Variants in FAM193A observed in about 807,000 individuals in gnomAD.
FAM193A encodes protein FAM193A.
Under a neutral mutation model 126.5 loss-of-function variants are expected in FAM193A, and 22 were observed. The ratio of observed to expected loss-of-function variants is 0.17; its 90% CI spans 0.12 to 0.25. The LOEUF is 0.25. FAM193A is among the 10% of genes least tolerant of loss of function. The pLI, the probability that FAM193A is intolerant of heterozygous loss-of-function variation, is 1.00. For synonymous variants in FAM193A, 761 were observed against 646.8 expected, an observed-to-expected ratio of 1.18 and a Z score of -2.68; for missense variants, 1,675 against 1,672.8, an observed-to-expected ratio of 1.00 and a Z score of -0.02.
Position 2,693,730 on chromosome 4 carries a change from C to T in FAM193A, c.2948C>T (p.Pro983Leu), listed in dbSNP as rs369112800. The change falls in exon 16 of 21, where the codon CCT (proline) becomes CTT (leucine). Residue 983 changes from proline to leucine, a missense_variant. By Grantham distance (98) the Pro-to-Leu change is moderately conservative. Around this residue, in one of 4 missense-constraint regions of FAM193A, gnomAD observed 1,186 missense variants for 1,109.2 expected, o/e 1.07. Transcript: ENST00000637812. ...GCTGCGCTCTCACCTGCCTCCACAC[C>T]TCACCTTGCAAATCTTGCAGCCCCA... ...SPAALSPAST[P>L]HLANLAAPSF... 3.1e-6 allele frequency: 5 copies of T among 1,614,118 alleles called. No individual in the cohort carries two copies. The highest frequency in any genetic ancestry group is 4.2e-6 in the Non-Finnish European group (5 of 1,180,060).
intron 1 of FAM193A, among the ~76,000 whole-genome samples, chr4:2,588,295 T>C (rs988688490): frequency 6.6e-6 from 1 of 152,242 alleles, no homozygotes; most frequent in African/African-American, 2.4e-5. Context: ...CTGGTGCCTC[T>C]TTACCTTAAG....
At chr4:2,705,100 C>T (rs1718161004) in intron 19 of FAM193A, among the ~76,000 whole-genome samples, 2 of 152,092 alleles carry the variant, frequency 1.3e-5, no homozygotes, top group African/African-American at 2.4e-5. Flanking sequence ...TTAGTAGAGA[C>T]GGGGTTTCAC....
intron 20 of FAM193A, among the ~76,000 whole-genome samples, chr4:2,718,089 A>T (rs1719738430): frequency 6.6e-6 from 1 of 152,216 alleles, no homozygotes; most frequent in African/African-American, 2.4e-5. Context: ...AGTTTTTAAA[A>T]ATCCTGAAAC....
chr4:2,688,252 T>C (rs978195288), intron 13 of FAM193A, among the ~76,000 whole-genome samples: 1 of 151,938 alleles, frequency 6.6e-6, no homozygotes, highest in African/African-American at 2.4e-5. Context: ...AGGCTACAAG[T>C]AGGTCTCGAA....
intron 1 of FAM193A, among the ~76,000 whole-genome samples, chr4:2,545,250 C>A (rs750526053): frequency 6.6e-6 from 1 of 152,224 alleles, no homozygotes; most frequent in Non-Finnish European, 1.5e-5. Flanking sequence ...GCCTCAGCCT[C>A]CCAAAGTGCT....
intron 6 of FAM193A, among the ~76,000 whole-genome samples, chr4:2,642,949 A>G (rs913679984): frequency 4.6e-5 from 7 of 151,908 alleles, no homozygotes; most frequent in African/African-American, 1.5e-4. Context: ...GAAAACTCCC[A>G]TCTTTTTCTG....
At chr4:2,558,798 C>T (rs1401408599) in intron 1 of FAM193A, among the ~76,000 whole-genome samples, 2 of 152,148 alleles carry the variant, frequency 1.3e-5, no homozygotes, top group East Asian at 1.9e-4. Context: ...GGCAGAGGTT[C>T]GAGACCAGCC....
chr4:2,661,845 G>T (rs1158931210), intron 10 of FAM193A, among the ~76,000 whole-genome samples: 1 of 152,136 alleles, frequency 6.6e-6, no homozygotes, highest in Non-Finnish European at 1.5e-5. Flanking sequence ...CACCAGAGCT[G>T]CATCTTAAGT....
intron 15 of FAM193A, among the ~76,000 whole-genome samples, chr4:2,693,085 G>T (rs1296714504): frequency 1.3e-5 from 2 of 151,612 alleles, no homozygotes; most frequent in African/African-American, 4.8e-5. Context: ...GTCTTGCTCC[G>T]TCACCCAGGC....
Position 2,660,022 on chromosome 4 carries a change from C to T in FAM193A, c.1713C>T (p.Leu571=), listed in dbSNP as rs1040725240. Residue 571 remains leucine, a synonymous_variant, in exon 10 of 21, where the codon CTC becomes CTT. Coordinates refer to ENST00000637812, the MANE Select transcript of FAM193A (RefSeq NM_001366318.2). ...SPITIQQHPR[L]ILTDSGSAPT... ...TCACAATTCAGCAGCACCCCAGGCT[C>T]ATCCTCACAGACAGTGGCTCGGCAC... 1.3e-5 allele frequency: 21 copies of T among 1,614,054 alleles called. No individual in the cohort carries two copies. In the African/African-American group the frequency reaches 1.5e-4, roughly 11 times the overall value.
At chr4:2,540,099 CAA>C (rs1306034228) in intron 1 of FAM193A, among the ~76,000 whole-genome samples, 6 of 144,204 alleles carry the variant, frequency 4.2e-5, no homozygotes, top group African/African-American at 1.5e-4. Context: ...GCCTGGGCAA[CAA>C]GAGTGAAACT....
intron 2 of FAM193A, among the ~76,000 whole-genome samples, chr4:2,613,322 T>G (rs1436029325): frequency 6.6e-6 from 1 of 151,632 alleles, no homozygotes; most frequent in African/African-American, 2.4e-5. Flanking sequence ...CTTGCTATTT[T>G]AAATATACTC....
chr4:2,620,539 T>A (rs1045237484), intron 2 of FAM193A, among the ~76,000 whole-genome samples: 2 of 152,046 alleles, frequency 1.3e-5, no homozygotes, highest in African/African-American at 4.8e-5. Flanking sequence ...AACAAACACA[T>A]TTTTAACATA....
At chr4:2,698,299 A>G (rs1280358001) in intron 18 of FAM193A, among the ~76,000 whole-genome samples, 2 of 152,168 alleles carry the variant, frequency 1.3e-5, no homozygotes, top group Non-Finnish European at 2.9e-5. Context: ...CTGGATTTAG[A>G]TCAGCTCTGA....
intron 1 of FAM193A, among the ~76,000 whole-genome samples, chr4:2,547,588 ATG>A (rs368862235): frequency 2.7e-5 from 4 of 147,142 alleles, no homozygotes; most frequent in Admixed American, 6.8e-5. Flanking sequence ...TGACCTTAGT[ATG>A]TGTGTGTGTG....
intron 19 of FAM193A, among the ~76,000 whole-genome samples, chr4:2,702,376 C>T (rs1017104693): frequency 6.6e-6 from 1 of 152,172 alleles, no homozygotes; most frequent in Non-Finnish European, 1.5e-5. Flanking sequence ...GCTCCGGGCT[C>T]ATCTCGTGTC....
chr4:2,726,339 C>T (rs1239594127), intron 20 of FAM193A, among the ~76,000 whole-genome samples: 1 of 152,172 alleles, frequency 6.6e-6, no homozygotes, highest in Non-Finnish European at 1.5e-5. Context: ...AAGCCTGGCC[C>T]TGATAAACAA....
At position 2,664,558 on chromosome 4, in the gene FAM193A, C is replaced by CTTTTTTTT. The variant is rs33958851; in HGVS notation, c.2079+1289_2079+1296dup. Among the ~76,000 whole-genome samples the CTTTTTTTT allele has an allele frequency of 1.3e-3, 96 of 73,096 alleles. 1 individual carries two copies. Among genetic ancestry groups the CTTTTTTTT allele is most frequent in the Non-Finnish European group, 1.6e-3 (61 of 38,268 alleles). The allele number at this position is 73,096 out of a possible 152,430, so 48.0% of individuals were successfully genotyped here. A position where few individuals can be genotyped will look rare whatever the true frequency, so the allele number is the denominator to read the frequency against. ...ACCTTTCTCTCTCTCTATTTTCTTT[C>CTTTTTTTT]TTTTTTTTTTTTTTTTTTTTTTTTT... On this transcript the variant is annotated intron_variant, in intron 12 of 20. Transcript: ENST00000637812.
At chr4:2,555,664 C>T (rs928172401) in intron 1 of FAM193A, among the ~76,000 whole-genome samples, 4 of 152,212 alleles carry the variant, frequency 2.6e-5, no homozygotes, top group Non-Finnish European at 5.9e-5. Flanking sequence ...GTCACTCAGG[C>T]TGGAGTGCAG....
Sources: gnomAD v4.1 joint callset for allele counts (sites outside exome capture counted in the v4.1 genomes callset) on GRCh38, gnomAD v4.1.1 for gene constraint, gnomAD v4.1.1 regional missense constraint, MANE v1.5 for transcripts, NCBI Gene and HGNC (gene_info 2026-07-23, HGNC 2026-07-21) for gene names.